ADAMTSL1: variants seen among roughly 807,000 people sequenced by gnomAD.
The protein encoded by ADAMTSL1 is ADAMTS-like protein 1.
ADAMTSL1 carries 126 observed loss-of-function variants against 201.8 expected under a neutral mutation model. The ratio of observed to expected loss-of-function variants is 0.62; its 90% confidence interval spans 0.54 to 0.72. The LOEUF is 0.72. ADAMTSL1 is among the 30% of genes least tolerant of loss of function. ADAMTSL1 has a pLI of 0.00. For synonymous variants in ADAMTSL1, 1,121 were observed against 903.4 expected, an observed-to-expected ratio of 1.24 and a Z score of -4.32; for missense variants, 2,679 against 2,277.8, an observed-to-expected ratio of 1.18 and a Z score of -3.59.
At chr9:18,682,471 T>G (rs1332477342) in intron 12 of ADAMTSL1, among the ~76,000 whole-genome samples, 1 of 152,116 alleles carries the variant, frequency 6.6e-6, no homozygotes, top group African/African-American at 2.4e-5. Context: ...ATATCAGAAT[T>G]TAAAAGATAT....
chr9:18,722,140 G>T (rs1930263), intron 15 of ADAMTSL1, among the ~76,000 whole-genome samples: 79,126 of 151,928 alleles, frequency 0.52, 20,748 homozygotes, highest in South Asian at 0.64. Context: ...ATGCTCTGGG[G>T]GTGTGTGTGT....
At chr9:18,384,395 A>G (rs1174831086) in intron 2 of ADAMTSL1, among the ~76,000 whole-genome samples, 1 of 152,118 alleles carries the variant, frequency 6.6e-6, no homozygotes, top group African/African-American at 2.4e-5. Context: ...CAACATTGGG[A>G]ATTACAATTC....
chr9:18,350,926 A>C (rs1450103522), intron 2 of ADAMTSL1, among the ~76,000 whole-genome samples: 2 of 152,196 alleles, frequency 1.3e-5, no homozygotes, highest in African/African-American at 4.8e-5. Flanking sequence ...ATTTTGTCTG[A>C]GGAGATTTGG....
At chr9:18,157,713 T>C (rs1827216633) in intron 1 of ADAMTSL1, among the ~76,000 whole-genome samples, 1 of 152,036 alleles carries the variant, frequency 6.6e-6, no homozygotes, top group African/African-American at 2.4e-5. Flanking sequence ...CTGAAATGTT[T>C]TTAAGCTCCA....
At chr9:18,205,608 A>G (rs1431654539) in intron 2 of ADAMTSL1, among the ~76,000 whole-genome samples, 3 of 152,238 alleles carry the variant, frequency 2.0e-5, no homozygotes, top group East Asian at 3.9e-4. Context: ...AAAGCAAGCT[A>G]GGTCTCTCTG....
chr9:18,470,335 G>A (rs561710784), upstream of ADAMTSL1, among the ~76,000 whole-genome samples: 26 of 152,304 alleles, frequency 1.7e-4, no homozygotes, highest in Non-Finnish European at 3.1e-4. Flanking sequence ...AGGTGAGTTG[G>A]CAAGTTGTGG....
intron 2 of ADAMTSL1, among the ~76,000 whole-genome samples, chr9:18,229,720 A>G (rs1272059174): frequency 3.3e-5 from 5 of 150,602 alleles, no homozygotes; most frequent in Non-Finnish European, 7.4e-5. Context: ...TTTGATATGG[A>G]ATTTCACTCT....
At chr9:18,838,443 G>A (rs564034112) in intron 23 of ADAMTSL1, among the ~76,000 whole-genome samples, 9 of 151,392 alleles carry the variant, frequency 5.9e-5, no homozygotes, top group Middle Eastern at 3.4e-3. Context: ...CAGGAAGGTA[G>A]GGAAAGAGAG....
At chr9:18,507,122 A>G (rs1455870149) in intron 2 of ADAMTSL1, among the ~76,000 whole-genome samples, 1 of 152,230 alleles carries the variant, frequency 6.6e-6, no homozygotes, top group African/African-American at 2.4e-5. Context: ...ATATTTTGAC[A>G]TCATTCTTCA....
chr9:18,314,955 C>T (rs1834314933), intron 2 of ADAMTSL1, among the ~76,000 whole-genome samples: 1 of 150,882 alleles, frequency 6.6e-6, no homozygotes, highest in South Asian at 2.1e-4. Context: ...CGCTACCACG[C>T]CCGGCTAATT....
intron 4 of ADAMTSL1, among the ~76,000 whole-genome samples, chr9:18,595,387 C>T (rs551149494): frequency 6.6e-6 from 1 of 152,296 alleles, no homozygotes; most frequent in African/African-American, 2.4e-5. Context: ...TCAACTGCAG[C>T]AGGAGAGGCT....
At chr9:18,486,371 T>C (rs890602272) in intron 1 of ADAMTSL1, among the ~76,000 whole-genome samples, 2 of 152,182 alleles carry the variant, frequency 1.3e-5, no homozygotes, top group Non-Finnish European at 2.9e-5. Context: ...CTTTATTCAC[T>C]CTCAGCGAGC....
rs565039013 is a variant in ADAMTSL1 at position 18,899,492 on chromosome 9, C to A, written c.4852-6290C>A. 1.1e-4 allele frequency among the ~76,000 whole-genome samples: 16 copies of A among 152,284 alleles called. 1 individual carries two copies. The highest frequency in any genetic ancestry group is 3.9e-4 in the African/African-American group (16 of 41,550). ...TGAAAAAGAGCCCGAGTAGTCAAGA[C>A]AATCCTAAGCATAAAGGACAGAGCT... is the stretch of plus-strand genomic sequence containing the variant. On this transcript the variant is annotated intron_variant, in intron 26 of 28. Coordinates refer to ENST00000380548, the MANE Select transcript of ADAMTSL1 (RefSeq NM_001040272.6).
Position 18,906,899 on chromosome 9 carries a change from C to T in ADAMTSL1, c.5169C>T (p.Thr1723=), listed in dbSNP as rs1352622660. 45 of 1,613,924 alleles carry T rather than the reference C, an allele frequency of 2.8e-5. 1 individual carries two copies. The highest frequency in any genetic ancestry group is 3.7e-5 in the Non-Finnish European group (44 of 1,179,862). Reference sequence around the variant, plus strand: ...CCAACTGGCAGCGCTGCAACATCACCCCATGTGAAAACAGTATGTTCCAAC... The same window carrying T: ...CCAACTGGCAGCGCTGCAACATCACTCCATGTGAAAACAGTATGTTCCAAC... ...RPANWQRCNI[T]PCENMECRDT... The change falls in exon 28 of 29, where the codon ACC becomes ACT. Residue 1723 remains threonine (T), a synonymous_variant. Coordinates refer to ENST00000380548, the MANE Select transcript of ADAMTSL1 (RefSeq NM_001040272.6).
At chr9:18,695,795 T>C (rs1313264988) in intron 13 of ADAMTSL1, among the ~76,000 whole-genome samples, 2 of 152,238 alleles carry the variant, frequency 1.3e-5, no homozygotes. Context: ...TTTATAGCAA[T>C]GCCCCACTTC....
At chr9:18,876,422 T>C (rs923652452) in intron 23 of ADAMTSL1, among the ~76,000 whole-genome samples, 1 of 152,038 alleles carries the variant, frequency 6.6e-6, no homozygotes, top group Non-Finnish European at 1.5e-5. Flanking sequence ...TAGAGCCCCT[T>C]TTAGCAGTTC....
chr9:18,852,395 G>A (rs1219448911), intron 23 of ADAMTSL1, among the ~76,000 whole-genome samples: 1 of 152,140 alleles, frequency 6.6e-6, no homozygotes, highest in African/African-American at 2.4e-5. Flanking sequence ...TCTTATTTTG[G>A]TAGTACTTGC....
At chr9:18,291,273 G>C (rs928758258) in intron 2 of ADAMTSL1, among the ~76,000 whole-genome samples, 1 of 152,126 alleles carries the variant, frequency 6.6e-6, no homozygotes, top group African/African-American at 2.4e-5. Flanking sequence ...GCAATTACTG[G>C]AAAATTAAAA....
intron 4 of ADAMTSL1, among the ~76,000 whole-genome samples, chr9:18,594,409 A>C (rs1824124936): frequency 6.6e-6 from 1 of 152,028 alleles, no homozygotes; most frequent in South Asian, 2.1e-4. Context: ...TTTTTTGAAT[A>C]TTGTCTCTAC....
Sources: gnomAD v4.1 joint callset for allele counts (sites outside exome capture counted in the v4.1 genomes callset) on GRCh38, gnomAD v4.1.1 for gene constraint, MANE v1.5 for transcripts, NCBI Gene and HGNC (gene_info 2026-07-23, HGNC 2026-07-21) for gene names.